PRKAR2A: variants seen among roughly 807,000 people sequenced by gnomAD.
PRKAR2A encodes cAMP-dependent protein kinase type II-alpha regulatory subunit.
PRKAR2A carries 29 observed loss-of-function variants against 51.9 expected under a neutral mutation model. The ratio of observed to expected loss-of-function variants is 0.56; its 90% CI spans 0.42 to 0.76. The LOEUF (loss-of-function observed/expected upper bound fraction) is 0.76, where lower values mean the gene tolerates loss of function less well. PRKAR2A is among the 30% of genes least tolerant of loss of function. The pLI is 0.00. For synonymous variants in PRKAR2A, 178 were observed against 186.2 expected, an observed-to-expected ratio of 0.96 and a Z score of 0.36; for missense variants, 445 against 512.1, an observed-to-expected ratio of 0.87 and a Z score of 1.26.
At chr3:48,835,157 G>A (rs1302098038) in intron 1 of PRKAR2A, among the ~76,000 whole-genome samples, 2 of 152,072 alleles carry the variant, frequency 1.3e-5, no homozygotes, top group Non-Finnish European at 2.9e-5. Context: ...TTTTAGTAGA[G>A]ACGGGGTTTC....
chr3:48,762,215 T>C (rs539406193), intron 8 of PRKAR2A, among the ~76,000 whole-genome samples: 2 of 152,170 alleles, frequency 1.3e-5, no homozygotes, highest in South Asian at 2.1e-4. Context: ...GCTCAGGAGT[T>C]CGAGACCAGG....
intron 5 of PRKAR2A, among the ~76,000 whole-genome samples, chr3:48,781,521 A>G (rs542085466): frequency 7.1e-6 from 1 of 140,338 alleles, no homozygotes; most frequent in African/African-American, 2.7e-5. Flanking sequence ...TTTTATTTTT[A>G]TTTTTTTTTG....
chr3:48,844,006 A>C (rs927954236), intron 1 of PRKAR2A, among the ~76,000 whole-genome samples: 32 of 148,812 alleles, frequency 2.2e-4, no homozygotes, highest in African/African-American at 7.6e-4. Context: ...TAAACTAAAG[A>C]GCTTCTGCAC....
intron 6 of PRKAR2A, among the ~76,000 whole-genome samples, chr3:48,771,213 G>T (rs967922956): frequency 6.6e-6 from 1 of 151,932 alleles, no homozygotes; most frequent in Non-Finnish European, 1.5e-5. Flanking sequence ...AAAAAAGAAA[G>T]AATGTGTTAT....
chr3:48,765,266 G>T lies in PRKAR2A; in HGVS notation c.780C>A (p.Pro260=), dbSNP rs2081924373. ...KMFESFIESV[P]LLKSLEVSER... ...ACTTTACCTCTAGTGATTTAAGGAG[G>T]GGCACAGACTCAATAAATGATTCAA... Residue 260 remains proline (P), a synonymous_variant, in exon 7 of 11, where the codon CCC becomes CCA. Coordinates refer to ENST00000265563, the MANE Select transcript of PRKAR2A (RefSeq NM_004157.4). The T allele has an allele frequency of 6.2e-7, 1 of 1,610,078 alleles. No homozygotes were observed.
intron 5 of PRKAR2A, among the ~76,000 whole-genome samples, chr3:48,777,407 GTATTT>G (rs1266253795): frequency 2.6e-5 from 4 of 151,934 alleles, no homozygotes; most frequent in East Asian, 1.9e-4. Flanking sequence ...TATCCTGTTT[GTATTT>G]TATTTTATTT....
intron 8 of PRKAR2A, among the ~76,000 whole-genome samples, chr3:48,761,402 G>A (rs961424616): frequency 1.3e-5 from 2 of 152,166 alleles, no homozygotes; most frequent in African/African-American, 4.8e-5. Flanking sequence ...GTCAAATGTG[G>A]CTGAGCACTT....
At chr3:48,799,454 A>G (rs2082549622) in intron 2 of PRKAR2A, among the ~76,000 whole-genome samples, 2 of 152,182 alleles carry the variant, frequency 1.3e-5, no homozygotes, top group Admixed American at 1.3e-4. Context: ...GGACTTCAAT[A>G]TATGAATTTG....
intron 8 of PRKAR2A, among the ~76,000 whole-genome samples, chr3:48,758,906 G>A (rs952914019): frequency 6.6e-6 from 1 of 152,140 alleles, no homozygotes; most frequent in Non-Finnish European, 1.5e-5. Flanking sequence ...GGTAGATTCA[G>A]GGTTGAGAGG....
intron 2 of PRKAR2A, among the ~76,000 whole-genome samples, chr3:48,807,064 C>A (rs1431551650): frequency 6.6e-6 from 1 of 152,104 alleles, no homozygotes; most frequent in Non-Finnish European, 1.5e-5. Flanking sequence ...AGCCACCGCG[C>A]CTGGACAGCA....
chr3:48,822,331 T>G (rs2082981193), intron 1 of PRKAR2A, among the ~76,000 whole-genome samples: 1 of 152,046 alleles, frequency 6.6e-6, no homozygotes, highest in African/African-American at 2.4e-5. Flanking sequence ...TTTATAAAGC[T>G]GTTTAATGTG....
intron 5 of PRKAR2A, among the ~76,000 whole-genome samples, chr3:48,781,453 T>C (rs1306767703): frequency 5.9e-5 from 9 of 151,774 alleles, no homozygotes; most frequent in Non-Finnish European, 1.3e-4. Flanking sequence ...GCAACTCTCC[T>C]GCCTCAGCCT....
chr3:48,806,553 G>A (rs1044341894), intron 2 of PRKAR2A, among the ~76,000 whole-genome samples: 9 of 151,304 alleles, frequency 5.9e-5, no homozygotes, highest in Non-Finnish European at 1.2e-4. Context: ...CAGTGTTTGA[G>A]GTTATCAGTC....
intron 4 of PRKAR2A, among the ~76,000 whole-genome samples, chr3:48,789,889 C>A (rs988265491): frequency 6.6e-6 from 1 of 151,452 alleles, no homozygotes; most frequent in Non-Finnish European, 1.5e-5. Flanking sequence ...TTTTCTTTCT[C>A]TCTTCCTTTC....
chr3:48,795,908 G>A (rs1030759955), intron 2 of PRKAR2A, among the ~76,000 whole-genome samples: 2 of 152,178 alleles, frequency 1.3e-5, no homozygotes, highest in Non-Finnish European at 2.9e-5. Flanking sequence ...TTTTACTGGT[G>A]AGAAGGGGGA....
intron 2 of PRKAR2A, among the ~76,000 whole-genome samples, chr3:48,802,469 C>T (rs1373471320): frequency 6.6e-6 from 1 of 151,944 alleles, no homozygotes; most frequent in East Asian, 1.9e-4. Flanking sequence ...AAAAAAAAGT[C>T]TGATTAGAAT....
intron 1 of PRKAR2A, among the ~76,000 whole-genome samples, chr3:48,822,832 T>C (rs2082991246): frequency 1.3e-5 from 2 of 151,858 alleles, no homozygotes; most frequent in Non-Finnish European, 2.9e-5. Flanking sequence ...ATCAATATTG[T>C]TTAAAAGCTC....
Position 48,752,237 on chromosome 3 carries a change from G to A in PRKAR2A, c.1020C>T (p.Ala340=). 1 of 1,614,144 alleles carries A rather than the reference G, an allele frequency of 6.2e-7. No individual in the cohort carries two copies. The change falls in exon 10 of 11, where the codon GCC becomes GCT. Residue 340 remains alanine (A), a synonymous_variant. Coordinates refer to ENST00000265563, the MANE Select transcript of PRKAR2A (RefSeq NM_004157.4). ...CHKGQYFGEL[A]LVTNKPRAAS... ...CAGCTCTGGGTTTGTTGGTGACCAG[G>A]GCAAGCTCTCCAAAGTACTGCCCCT...
chr3:48,786,893 G>T (rs1302330629), intron 4 of PRKAR2A, among the ~76,000 whole-genome samples: 3 of 152,006 alleles, frequency 2.0e-5, no homozygotes, highest in Admixed American at 2.0e-4. Flanking sequence ...CTTTCAGAGG[G>T]ACACAATATA....
Sources: allele counts gnomAD v4.1 joint callset (sites outside exome capture counted in the v4.1 genomes callset), GRCh38; gene constraint gnomAD v4.1.1; transcripts MANE v1.5; gene names NCBI Gene and HGNC (gene_info 2026-07-23, HGNC 2026-07-21).